Variants in HPSE2 observed in about 807,000 individuals in gnomAD.
HPSE2 encodes heparanase 2 (inactive).
In HPSE2, 38 loss-of-function variants were observed where a neutral mutation model predicts 60.5. The observed-to-expected ratio is 0.63, with a 90% confidence interval of 0.48 to 0.82. HPSE2 has a LOEUF of 0.82. HPSE2 is among the 40% of genes least tolerant of loss of function. HPSE2 has a pLI of 0.00. For missense variants in HPSE2, 713 were observed against 740.4 expected, an observed-to-expected ratio of 0.96 and a Z score of 0.43; for synonymous variants, 295 against 293.2, an observed-to-expected ratio of 1.01 and a Z score of -0.06.
At chr10:98,708,893 T>TA (rs1948611368) in intron 5 of HPSE2, among the ~76,000 whole-genome samples, 1 of 152,172 alleles carries the variant, frequency 6.6e-6, no homozygotes, top group Non-Finnish European at 1.5e-5. Flanking sequence ...AAATAACTCA[T>TA]GAAGAAAAAT....
In HPSE2 at chr10:98,794,117, T is replaced by C. The variant is rs564547827; in HGVS notation, c.611-50061A>G. On this transcript the variant is annotated intron_variant, in intron 3 of 11. Transcript: ENST00000370552. ...CATTGTTATAACCATAGTACAGTTATTGAAATCGGAAAATAATATGAATAT... is the reference window on the plus strand; with the variant it reads ...CATTGTTATAACCATAGTACAGTTACTGAAATCGGAAAATAATATGAATAT... Among the ~76,000 whole-genome samples, 4 of 152,322 alleles carry C rather than the reference T, an allele frequency of 2.6e-5. No homozygotes were observed. The South Asian group carries it at 8.3e-4, about 32-fold the overall frequency.
rs753193187 is a variant in HPSE2 at position 98,620,715 on chromosome 10, AC to A, written c.1099-8del. 6.3e-7 allele frequency: 1 copy of A among 1,596,112 alleles called. No homozygotes were observed. The highest frequency in any genetic ancestry group is 2.2e-5 in the East Asian group (1 of 44,784). On this transcript the variant is annotated splice_polypyrimidine_tract_variant and splice_region_variant and intron_variant, in intron 7 of 11. Transcript: ENST00000370552. ...GAGTGTATGTATTAACCACCTGTTT[AC>A]ACAACAAAAGCAGAAGGGGATAACG...
At chr10:99,252,083 T>C in the HPSE2 span, among the ~76,000 whole-genome samples, 3 of 151,998 alleles carry the variant, frequency 2.0e-5, no homozygotes, top group Admixed American at 6.6e-5. Flanking sequence ...ATCATCTCAA[T>C]AGATGCAGAA....
intron 2 of HPSE2, among the ~76,000 whole-genome samples, chr10:99,207,015 C>T (rs1368039376): frequency 2.0e-5 from 3 of 151,914 alleles, no homozygotes; most frequent in Non-Finnish European, 2.9e-5. Context: ...GAATATTTTC[C>T]AAATCTAGAG....
chr10:98,826,371 C>T (rs1029120918), intron 3 of HPSE2, among the ~76,000 whole-genome samples: 1 of 152,160 alleles, frequency 6.6e-6, no homozygotes, highest in African/African-American at 2.4e-5. Flanking sequence ...AATAGCAACA[C>T]TGAAAAGAAG....
chr10:99,312,058 G>C, the HPSE2 span, among the ~76,000 whole-genome samples: 1 of 152,198 alleles, frequency 6.6e-6, no homozygotes. Context: ...AGAGAGGTGA[G>C]GAAGTTGCCC....
At chr10:99,135,449 T>C (rs1461463559) in intron 3 of HPSE2, among the ~76,000 whole-genome samples, 1 of 152,168 alleles carries the variant, frequency 6.6e-6, no homozygotes, top group Non-Finnish European at 1.5e-5. Context: ...ATTGACCACA[T>C]AATTGGAAGT....
the HPSE2 span, among the ~76,000 whole-genome samples, chr10:99,296,709 T>C: frequency 1.3e-4 from 20 of 152,284 alleles, no homozygotes; most frequent in Non-Finnish European, 2.8e-4. Flanking sequence ...TGGTACCCAA[T>C]GCAGGGTGAA....
rs114360021 is a variant in HPSE2, at chr10:98,855,958, A to G, written c.611-111902T>C. On this transcript the variant is annotated intron_variant, in intron 3 of 11. Coordinates refer to ENST00000370552, the MANE Select transcript of HPSE2 (RefSeq NM_021828.5). ...CCTTACCTAAGCACAAGGTAATGAT[A>G]CAGGAATTTGACACTGACATTGCAA... Among the ~76,000 whole-genome samples the G allele has an allele frequency of 1.7e-3, 255 of 152,286 alleles. 1 individual carries two copies. The highest frequency in any genetic ancestry group is 5.6e-3 in the African/African-American group (231 of 41,552).
chr10:98,832,482 A>G (rs1951704124), intron 3 of HPSE2, among the ~76,000 whole-genome samples: 1 of 152,200 alleles, frequency 6.6e-6, no homozygotes, highest in Admixed American at 6.5e-5. Context: ...AACAGCTTGA[A>G]ATAAACTGCA....
At chr10:98,685,661 C>A (rs1947896118) in intron 6 of HPSE2, among the ~76,000 whole-genome samples, 1 of 152,108 alleles carries the variant, frequency 6.6e-6, no homozygotes, top group African/African-American at 2.4e-5. Flanking sequence ...CTGATGAACA[C>A]CTGGGCTTTT....
intron 3 of HPSE2, among the ~76,000 whole-genome samples, chr10:98,762,293 TG>T (rs1421034013): frequency 4.7e-5 from 4 of 85,240 alleles, no homozygotes. Flanking sequence ...CTGGCGGGGG[TG>T]GGGGGTGGGG....
At chr10:98,803,497 T>C (rs1274651437) in intron 3 of HPSE2, among the ~76,000 whole-genome samples, 2 of 151,944 alleles carry the variant, frequency 1.3e-5, no homozygotes, top group Non-Finnish European at 2.9e-5. Context: ...TTAATTTTTG[T>C]ATAAGGTGTA....
intron 9 of HPSE2, among the ~76,000 whole-genome samples, chr10:98,560,701 T>C (rs1036152330): frequency 6.6e-6 from 1 of 152,232 alleles, no homozygotes; most frequent in African/African-American, 2.4e-5. Context: ...TGCATAAAGA[T>C]GTTTCAGTCA....
chr10:98,761,428 C>T (rs765932577), intron 3 of HPSE2, among the ~76,000 whole-genome samples: 9 of 152,052 alleles, frequency 5.9e-5, no homozygotes, highest in African/African-American at 1.2e-4. Flanking sequence ...TGCTAACTTT[C>T]GGTTTCATTT....
chr10:98,549,385 AAT>A (rs1230865628), intron 9 of HPSE2, among the ~76,000 whole-genome samples: 1 of 38,478 alleles, frequency 2.6e-5, no homozygotes, highest in African/African-American at 4.4e-5. Flanking sequence ...AATGAAGATA[AAT>A]GTCGTATTCA....
chr10:98,950,840 T>A (rs148517592), intron 3 of HPSE2, among the ~76,000 whole-genome samples: 2 of 152,188 alleles, frequency 1.3e-5, no homozygotes, highest in African/African-American at 2.4e-5. Flanking sequence ...AAAAACCATA[T>A]AATGCCATTG....
chr10:99,158,567 C>T (rs1287564343), intron 2 of HPSE2, among the ~76,000 whole-genome samples: 3 of 139,538 alleles, frequency 2.1e-5, no homozygotes, highest in African/African-American at 8.2e-5. Flanking sequence ...ATCACATGGA[C>T]ACAGGAAGGG....
At chr10:98,936,606 G>C (rs1279069968) in intron 3 of HPSE2, among the ~76,000 whole-genome samples, 1 of 143,464 alleles carries the variant, frequency 7.0e-6, no homozygotes, top group East Asian at 2.0e-4. Flanking sequence ...TTCCCTATGA[G>C]AGCTTTTAAT....
Sources: gnomAD v4.1 joint callset for allele counts (sites outside exome capture counted in the v4.1 genomes callset) on GRCh38, gnomAD v4.1.1 for gene constraint, MANE v1.5 for transcripts, NCBI Gene and HGNC (gene_info 2026-07-23, HGNC 2026-07-21) for gene names.